Variants in WDR17 observed in about 807,000 individuals in gnomAD.
WDR17 encodes WD repeat-containing protein 17.
WDR17 carries 143 observed loss-of-function variants against 161.7 expected under a neutral mutation model. The ratio of observed to expected loss-of-function variants is 0.88; its 90% CI spans 0.77 to 1.02. The LOEUF (loss-of-function observed/expected upper bound fraction) is 1.02. Ranked by LOEUF, WDR17 falls within the 50% of genes least tolerant of loss-of-function variation. The pLI is 0.00. For missense variants in WDR17, 1,469 were observed against 1,520.9 expected, an observed-to-expected ratio of 0.97 and a Z score of 0.57; for synonymous variants, 517 against 515.6, an observed-to-expected ratio of 1.00 and a Z score of -0.04.
intron 1 of WDR17, among the ~76,000 whole-genome samples, chr4:176,105,195 T>G (rs1436446296): frequency 6.6e-6 from 1 of 152,038 alleles, no homozygotes; most frequent in Admixed American, 6.6e-5. Context: ...TTATAACATT[T>G]ATACACCTAA....
intron 1 of WDR17, among the ~76,000 whole-genome samples, chr4:176,070,383 G>A (rs1578968883): frequency 6.6e-6 from 1 of 152,136 alleles, no homozygotes; most frequent in Non-Finnish European, 1.5e-5. Flanking sequence ...CCCTACCTTA[G>A]GTAATACAGC....
chr4:176,130,710 A>C (rs1487341695), intron 6 of WDR17, among the ~76,000 whole-genome samples: 1 of 149,206 alleles, frequency 6.7e-6, no homozygotes, highest in Non-Finnish European at 1.5e-5. Flanking sequence ...ATGCCACAGC[A>C]CTCCAGCCCG....
intron 1 of WDR17, among the ~76,000 whole-genome samples, chr4:176,069,145 A>G (rs991439338): frequency 6.6e-6 from 1 of 152,120 alleles, no homozygotes; most frequent in African/African-American, 2.4e-5. Context: ...CTAGTCAAAC[A>G]TTTCAAATAG....
intron 1 of WDR17, chr4:176,098,300 G>T (rs1201555744): frequency 6.6e-6 from 1 of 152,080 alleles, no homozygotes; most frequent in African/African-American, 2.4e-5. Flanking sequence ...ATTTTCTGAA[G>T]CAACAAATCT....
chr4:176,140,591 A>T (rs1039935743), intron 10 of WDR17, among the ~76,000 whole-genome samples: 2 of 152,166 alleles, frequency 1.3e-5, no homozygotes, highest in African/African-American at 4.8e-5. Context: ...TTAAAATCAG[A>T]TGCTCCTCCC....
intron 1 of WDR17, chr4:176,096,697 G>T (rs1736928126): frequency 1.3e-6 from 1 of 771,292 alleles, no homozygotes; most frequent in Non-Finnish European, 2.0e-6. Context: ...GCATTGCAAA[G>T]TTCTGAGCGT....
rs1752260540 is a variant in WDR17 at position 176,182,487 on chromosome 4, T to A, written c.*2908T>A. On this transcript the variant is annotated 3_prime_UTR_variant, in exon 29 of 29. Transcript: ENST00000508596. The surrounding 1 kb of genome is among the most constrained non-coding windows in gnomAD (Gnocchi z 4.2). ...CATGATTGCATTAGAGCAATGACTG[T>A]ATTTTGTTGTCCTTATAACATTTAT... 6.6e-6 allele frequency: 1 copy of A among 151,752 alleles called. No individual in the cohort carries two copies. The highest frequency in any genetic ancestry group is 1.5e-5 in the Non-Finnish European group (1 of 67,922). 9.4% of individuals were successfully genotyped at this position (151,752 alleles called of 1,614,324 possible). A position where few individuals can be genotyped will look rare whatever the true frequency, so the allele number is the denominator to read the frequency against.
At chr4:176,174,434 A>G (rs1751174689) in intron 25 of WDR17, among the ~76,000 whole-genome samples, 183 bp from the exon 26 acceptor site, 1 of 152,200 alleles carries the variant, frequency 6.6e-6, no homozygotes, top group Non-Finnish European at 1.5e-5. Flanking sequence ...ATGGTATAGC[A>G]TAAATATCTG....
In WDR17 at chr4:176,149,882, T is replaced by G. The variant is rs1746830294; in HGVS notation, c.1973T>G (p.Leu658Ter). The G allele has an allele frequency of 6.2e-7, 1 of 1,613,996 alleles. No individual in the cohort carries two copies. Among genetic ancestry groups the G allele is most frequent in the African/African-American group, 1.3e-5 (1 of 74,922 alleles). The change falls in exon 14 of 29, where the codon TTA (leucine) becomes TGA (stop). Residue 658 changes from leucine to a stop codon, truncating the protein, a stop_gained. Transcript: ENST00000508596. LOFTEE classifies it high-confidence loss of function. ...SRDSTVRLWS[L>*]TALVTPVQIN... Reference sequence around the variant, plus strand: ...GACTCTACAGTGAGACTCTGGTCATTAACAGCCTTAGTCACTCCTGTACAA... The same window carrying G: ...GACTCTACAGTGAGACTCTGGTCATGAACAGCCTTAGTCACTCCTGTACAA...
intron 1 of WDR17, among the ~76,000 whole-genome samples, chr4:176,095,526 C>T (rs1288321166): frequency 6.6e-6 from 1 of 152,024 alleles, no homozygotes; most frequent in African/African-American, 2.4e-5. Flanking sequence ...CTTCCTATGC[C>T]AGAACAAAAG....
At chr4:176,176,997 T>G in intron 26 of WDR17, 61 bp from the exon 27 acceptor site, 1 of 1,169,810 alleles carries the variant, frequency 8.5e-7, no homozygotes, top group East Asian at 2.3e-5. Context: ...TAAAGTTTGT[T>G]TGCTTTTTCT....
chr4:176,125,576 G>A (rs971988444), intron 5 of WDR17, among the ~76,000 whole-genome samples: 3 of 151,868 alleles, frequency 2.0e-5, no homozygotes, highest in African/African-American at 4.8e-5. Flanking sequence ...ACTCTGCCAG[G>A]TTTCTGGAAA....
chr4:176,109,653 A>G (rs1739381089), intron 1 of WDR17, among the ~76,000 whole-genome samples: 1 of 152,226 alleles, frequency 6.6e-6, no homozygotes, highest in Non-Finnish European at 1.5e-5. Context: ...GTAGTTTCGT[A>G]AATAAATATG....
intron 2 of WDR17, among the ~76,000 whole-genome samples, chr4:176,112,488 C>T (rs1739925483): frequency 6.6e-6 from 1 of 152,166 alleles, no homozygotes; most frequent in Admixed American, 6.5e-5. Flanking sequence ...TTGTGATCTT[C>T]CTGCCTCTCT....
chr4:176,104,599 G>A (rs1738387255), intron 1 of WDR17, among the ~76,000 whole-genome samples: 1 of 151,974 alleles, frequency 6.6e-6, no homozygotes, highest in Non-Finnish European at 1.5e-5. Flanking sequence ...ACTTAAAGGT[G>A]TGGGGTTGGA....
At chr4:176,116,051 A>T (rs1740575257) in intron 3 of WDR17, 72 bp downstream of exon 3, 20 of 1,405,498 alleles carry the variant, frequency 1.4e-5, no homozygotes, top group Non-Finnish European at 1.8e-5. Flanking sequence ...CAATATTATT[A>T]GTTCAGCTTT....
At chr4:176,176,921 C>T in intron 26 of WDR17, 137 bp from the exon 27 acceptor site, 1 of 586,480 alleles carries the variant, frequency 1.7e-6, no homozygotes, top group East Asian at 2.8e-5. Flanking sequence ...AGAAAATATT[C>T]TATATGTATA....
intron 2 of WDR17, among the ~76,000 whole-genome samples, chr4:176,115,469 GT>G (rs879743467): frequency 6.6e-6 from 1 of 151,644 alleles, no homozygotes; most frequent in Non-Finnish European, 1.5e-5. Context: ...AAAACCAAGG[GT>G]TTTTTCTTCT....
chr4:176,155,605 T>A (rs1364784548), intron 17 of WDR17, among the ~76,000 whole-genome samples: 1 of 145,486 alleles, frequency 6.9e-6, no homozygotes, highest in Non-Finnish European at 1.5e-5. Flanking sequence ...AGTGCAGTGA[T>A]GTGATCACAA....
Sources: allele counts gnomAD v4.1 joint callset (sites outside exome capture counted in the v4.1 genomes callset), GRCh38; gene constraint gnomAD v4.1.1; non-coding constraint Gnocchi (gnomAD v3.1); transcripts MANE v1.5; gene names NCBI Gene and HGNC (gene_info 2026-07-23, HGNC 2026-07-21).